The following APCDD1L variants were observed in gnomAD, a reference collection of about 807,000 sequenced individuals.
The protein encoded by APCDD1L is protein APCDD1-like.
A neutral mutation model predicts 24.2 loss-of-function variants in APCDD1L; 21 were observed. That is an observed-to-expected ratio of 0.87 (90% confidence interval 0.61 to 1.25). The LOEUF (loss-of-function observed/expected upper bound fraction) is 1.25, where lower values mean the gene tolerates loss of function less well. Among genes scored for constraint, APCDD1L ranks in the 50% most tolerant of loss-of-function variants. APCDD1L has a pLI of 0.00. For synonymous variants in APCDD1L, 321 were observed against 323.6 expected (o/e 0.99, Z 0.09); for missense variants, 704 against 711.7 (o/e 0.99, Z 0.12).
In APCDD1L at chr20:58,461,337, T is replaced by G; in HGVS notation, c.959A>C (p.Asp320Ala). The change falls in exon 4 of 4, where the codon GAC (aspartate) becomes GCC (alanine). Residue 320 changes from aspartate to alanine, a missense_variant. Transcript: ENST00000371149. The surrounding 1 kb of genome is among the most constrained non-coding windows in gnomAD (Gnocchi z 6.0). ...SWEGYYHHFSDPACRQPTFTV... is the reference protein window; with the variant it reads ...SWEGYYHHFSAPACRQPTFTV... Reference sequence around the variant, plus strand: ...GAAGGTGGGCTGCCGGCAGGCTGGGTCTGAGAAGTGGTGGTAATACCCTTC... The same window carrying G: ...GAAGGTGGGCTGCCGGCAGGCTGGGGCTGAGAAGTGGTGGTAATACCCTTC... The G allele has an allele frequency of 1.3e-6, 2 of 1,599,210 alleles. No homozygotes were observed. The highest frequency in any genetic ancestry group is 1.7e-6 in the Non-Finnish European group (2 of 1,170,070).
At chr20:58,492,693 C>A (rs1990242708) in intron 1 of APCDD1L, among the ~76,000 whole-genome samples, 1 of 152,264 alleles carries the variant, frequency 6.6e-6, no homozygotes. Context: ...AGAAATACAT[C>A]TTACATCACC....
At chr20:58,488,177 C>T (rs1990159761) in intron 1 of APCDD1L, among the ~76,000 whole-genome samples, 1 of 152,202 alleles carries the variant, frequency 6.6e-6, no homozygotes, top group Admixed American at 6.5e-5. Context: ...CACCATTCTG[C>T]TGCATCCCAC....
intron 1 of APCDD1L, among the ~76,000 whole-genome samples, chr20:58,512,710 T>C (rs1990650992): frequency 6.6e-6 from 1 of 152,200 alleles, no homozygotes; most frequent in South Asian, 2.1e-4. Context: ...AACTGGGTCC[T>C]GTTTCCTTTT....
intron 1 of APCDD1L, among the ~76,000 whole-genome samples, chr20:58,490,225 A>G (rs1990198479): frequency 6.6e-6 from 1 of 152,190 alleles, no homozygotes; most frequent in African/African-American, 2.4e-5. Context: ...ATAAGTTTTT[A>G]GGATTATCAA....
In APCDD1L at chr20:58,508,886, G is replaced by C. The variant is rs1275867540; in HGVS notation, c.49+5773C>G. On this transcript the variant is annotated intron_variant, in intron 1 of 3. Transcript: ENST00000371149. The surrounding 1 kb of genome is among the most constrained non-coding windows in gnomAD (Gnocchi z 4.0). Reference sequence around the variant, plus strand: ...GGTGCCGTGCAGAAAGGCAGAGCGGGGTACTGGGAAAGACTGTGTGCACAT... The same window carrying C: ...GGTGCCGTGCAGAAAGGCAGAGCGGCGTACTGGGAAAGACTGTGTGCACAT... Among the ~76,000 whole-genome samples the C allele has an allele frequency of 6.6e-6, 1 of 152,172 alleles. No individual in the cohort carries two copies. The highest frequency in any genetic ancestry group is 1.9e-4 in the East Asian group (1 of 5,190).
chr20:58,481,921 C>T (rs1316514748), intron 1 of APCDD1L, among the ~76,000 whole-genome samples: 2 of 152,158 alleles, frequency 1.3e-5, no homozygotes, highest in African/African-American at 4.8e-5. Context: ...CACCAAGCCT[C>T]GCCTCTTTCA....
intron 3 of APCDD1L, among the ~76,000 whole-genome samples, chr20:58,462,869 T>C (rs991448505): frequency 7.0e-6 from 1 of 143,364 alleles, no homozygotes; most frequent in African/African-American, 2.6e-5. Context: ...ATTGGCCAGG[T>C]GCAGTGCCTC....
chr20:58,488,340 G>A (rs1990163963), intron 1 of APCDD1L, among the ~76,000 whole-genome samples: 1 of 152,056 alleles, frequency 6.6e-6, no homozygotes, highest in African/African-American at 2.4e-5. Context: ...CCTCCCCTGA[G>A]GATAAGGGGG....
Position 58,460,633 on chromosome 20 carries a change from G to T in APCDD1L, c.*157C>A. 1.0e-6 allele frequency: 1 copy of T among 1,004,254 alleles called. No individual in the cohort carries two copies. Among genetic ancestry groups the T allele is most frequent in the Non-Finnish European group, 1.4e-6 (1 of 730,646 alleles). The allele number at this position is 1,004,254 out of a possible 1,614,324, so 62.2% of individuals were successfully genotyped here. A position where few individuals can be genotyped will look rare whatever the true frequency, so the allele number is the denominator to read the frequency against. ...TTTGCAGGGGTTAAGCTCATGTCCT[G>T]AGCCACATGGGACACAGGCAGAGTT... On this transcript the variant is annotated 3_prime_UTR_variant, in exon 4 of 4. Coordinates refer to ENST00000371149, the MANE Select transcript of APCDD1L (RefSeq NM_153360.3). The surrounding 1 kb of genome is among the most constrained non-coding windows in gnomAD (Gnocchi z 4.2).
At chr20:58,485,791 A>C (rs1990108827) in intron 1 of APCDD1L, among the ~76,000 whole-genome samples, 1 of 152,206 alleles carries the variant, frequency 6.6e-6, no homozygotes, top group South Asian at 2.1e-4. Context: ...GATTTGGTAT[A>C]AATTATACTT....
chr20:58,495,520 C>G (rs6513390), intron 1 of APCDD1L, among the ~76,000 whole-genome samples: 3 of 152,230 alleles, frequency 2.0e-5, no homozygotes, highest in Non-Finnish European at 4.4e-5. Flanking sequence ...CTTCAACCCC[C>G]CTGTGCCCCG....
chr20:58,461,956 C>T lies in APCDD1L; in HGVS notation c.742-402G>A, dbSNP rs996416196. 8.0e-5 allele frequency: 15 copies of T among 187,568 alleles called. No homozygotes were observed. The highest frequency in any genetic ancestry group is 3.5e-4 in the African/African-American group (15 of 42,804). 11.6% of individuals were successfully genotyped at this position (187,568 alleles called of 1,614,324 possible). ...CCCCCTGAGACTCTCCTCTCTCTAC[C>T]CCTCACCCCTCATCAAACTGGAATG... On this transcript the variant is annotated intron_variant, in intron 3 of 3. Coordinates refer to ENST00000371149, the MANE Select transcript of APCDD1L (RefSeq NM_153360.3). This position sits in a 1 kb window ranked among gnomAD's most constrained non-coding sequence, Gnocchi z 6.0.
chr20:58,495,149 A>G (rs1990297139), intron 1 of APCDD1L, among the ~76,000 whole-genome samples: 2 of 152,310 alleles, frequency 1.3e-5, no homozygotes, highest in Admixed American at 1.3e-4. Flanking sequence ...GTCTCCCTCA[A>G]CTTGTCGTCT....
chr20:58,487,162 A>G (rs1174687028), intron 1 of APCDD1L, among the ~76,000 whole-genome samples: 2 of 152,148 alleles, frequency 1.3e-5, no homozygotes, highest in Non-Finnish European at 2.9e-5. Context: ...GATACCCTCT[A>G]ATTTTGTGGG....
In APCDD1L at chr20:58,497,374, A is replaced by G. The variant is rs1990345998; in HGVS notation, c.49+17285T>C. ...GCCCACTAGGAGGCCCAGGGAACAG[A>G]CGCCTTGCATCGTGTCCACAGATGG... On this transcript the variant is annotated intron_variant, in intron 1 of 3. Transcript: ENST00000371149. The surrounding 1 kb of genome is among the most constrained non-coding windows in gnomAD (Gnocchi z 4.3). 1.3e-5 allele frequency among the ~76,000 whole-genome samples: 2 copies of G among 152,074 alleles called. No individual in the cohort carries two copies. The highest frequency in any genetic ancestry group is 4.8e-5 in the African/African-American group (2 of 41,380).
chr20:58,514,464 A>C (rs1393684523), intron 1 of APCDD1L, among the ~76,000 whole-genome samples, 195 bp downstream of exon 1: 1 of 152,184 alleles, frequency 6.6e-6, no homozygotes, highest in Non-Finnish European at 1.5e-5. Context: ...TCCCTCCCGC[A>C]GGCCCCAGGA....
chr20:58,467,637 C>T lies in APCDD1L; in HGVS notation c.210G>A (p.Pro70=), dbSNP rs1278054372. The T allele has an allele frequency of 3.3e-6, 5 of 1,506,862 alleles. No individual in the cohort carries two copies. The highest frequency in any genetic ancestry group is 2.1e-5 in the Admixed American group (1 of 48,320). The allele number at this position is 1,506,862 out of a possible 1,614,324, so 93.3% of individuals were successfully genotyped here. A position where few individuals can be genotyped will look rare whatever the true frequency, so the allele number is the denominator to read the frequency against. ...AGGTGTAGGCGCGGGTCAGGAACTC[C>T]GGTCCTGGGCGCACCTCGCAGCTGC... ...ISTGCEVRPG[P]EFLTRAYTFY... is the part of the protein sequence containing the mutation. Residue 70 remains proline (P), a synonymous_variant, in exon 3 of 4, where the codon CCG becomes CCA. Transcript: ENST00000371149. This position sits in a 1 kb window ranked among gnomAD's most constrained non-coding sequence, Gnocchi z 5.9.
At chr20:58,473,236 C>CT (rs1035321894) in intron 1 of APCDD1L, among the ~76,000 whole-genome samples, 130 of 151,444 alleles carry the variant, frequency 8.6e-4, no homozygotes, top group African/African-American at 2.9e-3. Flanking sequence ...GAAAACAAGG[C>CT]TTTTTTTTTC....
At position 58,461,814 on chromosome 20, in the gene APCDD1L, C is replaced by T. The variant is rs151319244; in HGVS notation, c.742-260G>A. On this transcript the variant is annotated intron_variant, in intron 3 of 3. Transcript: ENST00000371149. The surrounding 1 kb of genome is among the most constrained non-coding windows in gnomAD (Gnocchi z 6.0). Reference sequence around the variant, plus strand: ...TGTCTCTTCCACCTGGAATTCCCCGCCAGCTCCTTCTTACCTCTTAGGTCT... The same window carrying T: ...TGTCTCTTCCACCTGGAATTCCCCGTCAGCTCCTTCTTACCTCTTAGGTCT... The T allele has an allele frequency of 2.3e-5, 9 of 384,468 alleles. No individual in the cohort carries two copies. The highest frequency in any genetic ancestry group is 1.9e-4 in the African/African-American group (9 of 48,452). 23.8% of individuals were successfully genotyped at this position (384,468 alleles called of 1,614,324 possible).
Sources: gnomAD v4.1 joint callset for allele counts (sites outside exome capture counted in the v4.1 genomes callset) on GRCh38, gnomAD v4.1.1 for gene constraint, Gnocchi (gnomAD v3.1) non-coding constraint, MANE v1.5 for transcripts, NCBI Gene and HGNC (gene_info 2026-07-23, HGNC 2026-07-21) for gene names.